The following RANBP2 variants were observed in gnomAD, a reference collection of about 807,000 sequenced individuals.
RANBP2 encodes the protein E3 SUMO-protein ligase RanBP2.
Under a neutral mutation model 303.6 loss-of-function variants are expected in RANBP2, and 57 were observed. The observed-to-expected ratio is 0.19, with a 90% CI of 0.15 to 0.23. The LOEUF (loss-of-function observed/expected upper bound fraction) is 0.23, where lower values mean the gene tolerates loss of function less well. RANBP2 is among the 10% of genes least tolerant of loss of function. The probability of loss-of-function intolerance (pLI) is 1.00; values close to 1 mark genes in which losing one functional copy is unlikely to be tolerated. For missense variants in RANBP2, 3,138 were observed against 3,780.8 expected (o/e 0.83, Z 4.46); for synonymous variants, 1,167 against 1,301.5 (o/e 0.90, Z 2.23).
chr2:108,947,590 C>T, the RANBP2 span, among the ~76,000 whole-genome samples: 543 of 152,332 alleles, frequency 3.6e-3, 2 homozygotes, highest in Non-Finnish European at 6.2e-3. Flanking sequence ...TCTGCACCCC[C>T]GCAGTCCCAA....
chr2:108,904,386 T>A, the RANBP2 span, among the ~76,000 whole-genome samples: 2 of 152,164 alleles, frequency 1.3e-5, no homozygotes, highest in Non-Finnish European at 2.9e-5. Context: ...TACAATAACT[T>A]TAGAAAACGG....
chr2:109,389,762 A>G, the RANBP2 span, among the ~76,000 whole-genome samples: 1 of 152,332 alleles, frequency 6.6e-6, no homozygotes, highest in East Asian at 1.9e-4. Context: ...TACACATTAC[A>G]TATGTATAAT....
At chr2:109,055,043 G>A in the RANBP2 span, among the ~76,000 whole-genome samples, 2 of 151,824 alleles carry the variant, frequency 1.3e-5, no homozygotes, top group African/African-American at 2.4e-5. Flanking sequence ...CCAGTTTTTT[G>A]CCCTTGCTAT....
the RANBP2 span, among the ~76,000 whole-genome samples, chr2:109,666,841 A>C: frequency 1.3e-5 from 2 of 152,204 alleles, no homozygotes; most frequent in Admixed American, 1.3e-4. Context: ...GGATCTATGC[A>C]TCTGCTGTGT....
At chr2:109,061,302 G>A in the RANBP2 span, among the ~76,000 whole-genome samples, 6 of 152,048 alleles carry the variant, frequency 3.9e-5, no homozygotes, top group Non-Finnish European at 7.4e-5. Flanking sequence ...AACATTTCTG[G>A]GAAATTTTAG....
chr2:109,033,442 C>T, the RANBP2 span, among the ~76,000 whole-genome samples: 1,218 of 152,210 alleles, frequency 8.0e-3, 19 homozygotes, highest in African/African-American at 0.027. Context: ...ACAAGTATTG[C>T]CAAGGAAGAA....
chr2:109,617,135 A>G, the RANBP2 span: 1 of 166,726 alleles, frequency 6.0e-6, no homozygotes, highest in African/African-American at 2.4e-5. Context: ...TTATTTTAAT[A>G]CATTGGTAGT....
the RANBP2 span, among the ~76,000 whole-genome samples, chr2:109,729,962 A>C: frequency 2.0e-5 from 3 of 152,196 alleles, no homozygotes; most frequent in Non-Finnish European, 4.4e-5. Context: ...GGAACTGTCA[A>C]ACATGTATAA....
chr2:109,249,532 T>TTTCTTTCCTTCCTTCC, the RANBP2 span, among the ~76,000 whole-genome samples: 3 of 96,450 alleles, frequency 3.1e-5, no homozygotes, highest in Non-Finnish European at 6.1e-5. Context: ...TCTTTCTTTC[T>TTTCTTTCCTTCCTTCC]TTCCTTCCTT....
At chr2:109,323,865 T>C in the RANBP2 span, among the ~76,000 whole-genome samples, 1 of 152,232 alleles carries the variant, frequency 6.6e-6, no homozygotes, top group Admixed American at 6.5e-5. Flanking sequence ...TAAAAGTAAT[T>C]TGTAGTATAG....
At chr2:109,189,983 G>T in the RANBP2 span, among the ~76,000 whole-genome samples, 21 of 152,328 alleles carry the variant, frequency 1.4e-4, no homozygotes, top group South Asian at 4.4e-3. Flanking sequence ...TTCTCTAACA[G>T]ATCTGCTCGT....
At chr2:108,909,222 G>A in the RANBP2 span, among the ~76,000 whole-genome samples, 1 of 152,164 alleles carries the variant, frequency 6.6e-6, no homozygotes, top group African/African-American at 2.4e-5. Flanking sequence ...TTTGATTTCT[G>A]GGAATAAGAA....
the RANBP2 span, chr2:109,565,682 A>T: frequency 1.7e-6 from 2 of 1,193,598 alleles, no homozygotes; most frequent in Non-Finnish European, 2.5e-6. Context: ...CAAACTAAGC[A>T]TCACCCCAAA....
the RANBP2 span, among the ~76,000 whole-genome samples, chr2:109,375,234 A>T: frequency 6.6e-6 from 1 of 151,948 alleles, no homozygotes; most frequent in African/African-American, 2.4e-5. Flanking sequence ...TCTTCTTCCC[A>T]TGGCTCCAGC....
At chr2:109,603,997 T>TA in the RANBP2 span, among the ~76,000 whole-genome samples, 1 of 151,158 alleles carries the variant, frequency 6.6e-6, no homozygotes, top group African/African-American at 2.4e-5. Context: ...CCATCTCTAC[T>TA]AAAAATACAA....
At chr2:109,794,465 G>A in the RANBP2 span, 3 of 462,030 alleles carry the variant, frequency 6.5e-6, no homozygotes, top group Non-Finnish European at 4.8e-6. Flanking sequence ...TTGGCGGCGC[G>A]ATGAGGCGCA....
chr2:109,064,312 C>T, the RANBP2 span, among the ~76,000 whole-genome samples: 10 of 151,794 alleles, frequency 6.6e-5, no homozygotes, highest in Admixed American at 1.3e-4. Context: ...AAAAATTAGC[C>T]GGGCATGGTG....
chr2:109,380,850 G>GA, the RANBP2 span, among the ~76,000 whole-genome samples: 2 of 152,216 alleles, frequency 1.3e-5, no homozygotes, highest in African/African-American at 4.8e-5. Flanking sequence ...CGATGCTGGA[G>GA]AGCCAGACAC....
chr2:108,839,363 T>C, the RANBP2 span: 1 of 1,332,150 alleles, frequency 7.5e-7, no homozygotes, highest in Non-Finnish European at 1.0e-6. Flanking sequence ...TTCTTGATCT[T>C]GTTTCACAAT....
Sources: gnomAD v4.1 joint callset for allele counts (sites outside exome capture counted in the v4.1 genomes callset) on GRCh38, gnomAD v4.1.1 for gene constraint, MANE v1.5 for transcripts, NCBI Gene and HGNC (gene_info 2026-07-23, HGNC 2026-07-21) for gene names.